Variants in TACC2 observed in about 807,000 individuals in gnomAD.
The protein encoded by TACC2 is transforming acidic coiled-coil containing protein 2.
TACC2 carries 137 observed loss-of-function variants against 227.3 expected under a neutral mutation model. The observed-to-expected ratio is 0.60, with a 90% CI of 0.52 to 0.69. The LOEUF (loss-of-function observed/expected upper bound fraction) is 0.69, where lower values mean the gene tolerates loss of function less well. Ranked by LOEUF, TACC2 falls within the 30% of genes least tolerant of loss-of-function variation. TACC2 has a pLI of 0.00. For missense variants in TACC2, 3,470 were observed against 3,694.4 expected (o/e 0.94, Z 1.57); for synonymous variants, 1,523 against 1,487.5 (o/e 1.02, Z -0.55).
rs750562778 is a variant in TACC2, at chr10:122,085,428, G to C, written c.2928G>C (p.Gly976=). 4.0e-5 allele frequency: 65 copies of C among 1,613,776 alleles called. No homozygotes were observed. Among genetic ancestry groups the C allele is most frequent in the Non-Finnish European group, 5.3e-5 (63 of 1,180,056 alleles). ...ADVLKDFSLA[G]NFSRKETCCT... ...TCTTAAAAGACTTTTCTCTTGCAGGGAACTTCAGCAGAAAGGAAACTTGCT... is the reference window on the plus strand; with the variant it reads ...TCTTAAAAGACTTTTCTCTTGCAGGCAACTTCAGCAGAAAGGAAACTTGCT... Residue 976 remains glycine (G), a synonymous_variant, in exon 4 of 23, where the codon GGG becomes GGC. Coordinates refer to ENST00000369005, the MANE Select transcript of TACC2 (RefSeq NM_206862.4).
chr10:122,081,030 A>T (rs527809676), intron 3 of TACC2, among the ~76,000 whole-genome samples: 1 of 152,264 alleles, frequency 6.6e-6, no homozygotes, highest in Non-Finnish European at 1.5e-5. Context: ...TAGAATATAT[A>T]TGATCATAAC....
intron 14 of TACC2, among the ~76,000 whole-genome samples, chr10:122,228,537 C>G (rs1362391892): frequency 6.6e-6 from 1 of 152,118 alleles, no homozygotes; most frequent in Non-Finnish European, 1.5e-5. Flanking sequence ...CTTGTGCATT[C>G]CCCAAAGTAA....
At chr10:122,038,736 T>G (rs1264606899) in intron 2 of TACC2, among the ~76,000 whole-genome samples, 1 of 152,072 alleles carries the variant, frequency 6.6e-6, no homozygotes, top group Non-Finnish European at 1.5e-5. Context: ...AAGGTCAAGG[T>G]TATAAGGTTA....
At chr10:122,186,199 G>A (rs902254027) in intron 7 of TACC2, among the ~76,000 whole-genome samples, 1 of 152,148 alleles carries the variant, frequency 6.6e-6, no homozygotes, top group Admixed American at 6.5e-5. Context: ...AAAGTGCTGG[G>A]ATTACAGGTG....
At chr10:122,144,009 G>A (rs2091042745) in intron 7 of TACC2, among the ~76,000 whole-genome samples, 1 of 152,078 alleles carries the variant, frequency 6.6e-6, no homozygotes. Flanking sequence ...GTATTTATAT[G>A]TATATATATA....
chr10:122,053,979 T>G (rs56852202), intron 3 of TACC2, among the ~76,000 whole-genome samples: 6,199 of 152,280 alleles, frequency 0.041, 389 homozygotes, highest in African/African-American at 0.14. Flanking sequence ...AGAATGCGTG[T>G]GTGAATATTC....
chr10:122,055,379 A>T (rs2076127425), intron 3 of TACC2, among the ~76,000 whole-genome samples: 1 of 152,238 alleles, frequency 6.6e-6, no homozygotes, highest in Non-Finnish European at 1.5e-5. Flanking sequence ...ATATGCAGCC[A>T]TAAAAAAGAA....
Position 122,083,777 on chromosome 10 carries a change from C to T in TACC2, c.1277C>T (p.Pro426Leu). Reference protein sequence around the residue: ...AHPASSLASFPAAQIPIAVEE... With the variant: ...AHPASSLASFLAAQIPIAVEE... ...CCAGCTTCAAGCCTCGCTTCATTCC[C>T]AGCTGCTCAGATTCCTATTGCTGTA... Residue 426 changes from proline to leucine, a missense_variant, in exon 4 of 23, where the codon CCA becomes CTA. Coordinates refer to ENST00000369005, the MANE Select transcript of TACC2 (RefSeq NM_206862.4). 1 of 1,614,166 alleles carries T rather than the reference C, an allele frequency of 6.2e-7. No individual in the cohort carries two copies. The highest frequency in any genetic ancestry group is 1.7e-5 in the Admixed American group (1 of 60,032).
At chr10:122,213,473 C>G (rs1042115877) in intron 9 of TACC2, 8 of 1,267,026 alleles carry the variant, frequency 6.3e-6, no homozygotes, top group Admixed American at 5.0e-5. Context: ...TCCCCTCTGG[C>G]TGCTACTGAT....
intron 8 of TACC2, among the ~76,000 whole-genome samples, chr10:122,195,472 C>T (rs551957383): frequency 6.6e-6 from 1 of 152,256 alleles, no homozygotes; most frequent in South Asian, 2.1e-4. Context: ...CAGCACTTGG[C>T]CCCTTGCTCT....
rs930391869 is a variant in TACC2 at position 122,141,920 on chromosome 10, A to G, written c.5700-1652A>G. Among the ~76,000 whole-genome samples, 3 of 152,224 alleles carry G rather than the reference A, an allele frequency of 2.0e-5. No homozygotes were observed. The highest frequency in any genetic ancestry group is 1.9e-4 in the East Asian group (1 of 5,202). On this transcript the variant is annotated intron_variant, in intron 6 of 22. Transcript: ENST00000369005. This position sits in a 1 kb window ranked among gnomAD's most constrained non-coding sequence, Gnocchi z 4.3. ...TGGTCCATTTGCCGATTATGAGTAC[A>G]TGTCAGCCTCCAAAGTGCAAAATAG... is the stretch of plus-strand genomic sequence containing the variant.
chr10:122,075,101 A>T (rs1371948628), intron 3 of TACC2, among the ~76,000 whole-genome samples: 1 of 152,062 alleles, frequency 6.6e-6, no homozygotes, highest in African/African-American at 2.4e-5. Context: ...AAAGATAAGA[A>T]AGTCAACAGT....
chr10:122,230,816 C>T (rs2095727352), intron 16 of TACC2, among the ~76,000 whole-genome samples: 1 of 151,824 alleles, frequency 6.6e-6, no homozygotes, highest in Non-Finnish European at 1.5e-5. Flanking sequence ...TCTACAGATA[C>T]CATTTGCTTC....
intron 2 of TACC2, among the ~76,000 whole-genome samples, chr10:122,035,894 C>T (rs1166640975): frequency 6.6e-6 from 1 of 151,984 alleles, no homozygotes; most frequent in African/African-American, 2.4e-5. Flanking sequence ...TTCACTGCAA[C>T]CTTGAATTCC....
intron 3 of TACC2, among the ~76,000 whole-genome samples, chr10:122,082,177 G>A (rs995661227): frequency 4.6e-5 from 7 of 152,152 alleles, no homozygotes; most frequent in Admixed American, 3.9e-4. Flanking sequence ...GTGTGGTGGT[G>A]CAAACCTGTG....
intron 22 of TACC2, among the ~76,000 whole-genome samples, chr10:122,253,583 T>C (rs936242267): frequency 2.6e-5 from 4 of 151,988 alleles, no homozygotes; most frequent in Non-Finnish European, 5.9e-5. Flanking sequence ...TTATGCTACA[T>C]CTCAAAAAAG....
chr10:122,012,795 C>T (rs1956113713), intron 1 of TACC2, among the ~76,000 whole-genome samples: 1 of 146,302 alleles, frequency 6.8e-6, no homozygotes, highest in Non-Finnish European at 1.5e-5. Context: ...GTGGCTGGAG[C>T]TGGCATCCTT....
rs11200370 is a variant in TACC2, at chr10:122,054,275, T to A, written c.146+3725T>A. Among the ~76,000 whole-genome samples the A allele has an allele frequency of 3.3e-3, 504 of 152,334 alleles. 8 individuals carry two copies. In the East Asian group the frequency reaches 0.065, roughly 20 times the overall value. On this transcript the variant is annotated intron_variant, in intron 3 of 22. Coordinates refer to ENST00000369005, the MANE Select transcript of TACC2 (RefSeq NM_206862.4). The stretch of plus-strand genomic sequence containing the variant: ...GTTCAACCATCCAGAGTCTGGGACA[T>A]GCCTCCCTGATGACCATCCCTGCAC...
chr10:122,181,159 A>G (rs2093960457), intron 7 of TACC2, among the ~76,000 whole-genome samples: 1 of 152,172 alleles, frequency 6.6e-6, no homozygotes, highest in African/African-American at 2.4e-5. Context: ...AATTCAGTAA[A>G]TATTCAAGTG....
Sources: allele counts gnomAD v4.1 joint callset (sites outside exome capture counted in the v4.1 genomes callset), GRCh38; gene constraint gnomAD v4.1.1; non-coding constraint Gnocchi (gnomAD v3.1); transcripts MANE v1.5; gene names NCBI Gene and HGNC (gene_info 2026-07-23, HGNC 2026-07-21).